Variants in MGAM2 observed in about 807,000 individuals in gnomAD.
MGAM2 encodes maltase-glucoamylase 2 (putative).
A neutral mutation model predicts 96.1 loss-of-function variants in MGAM2; 98 were observed. The observed-to-expected ratio is 1.02, with a 90% CI of 0.87 to 1.21. The LOEUF (loss-of-function observed/expected upper bound fraction) is 1.21. MGAM2 is among the 50% of genes most tolerant of loss of function. The pLI, the probability that MGAM2 is intolerant of heterozygous loss-of-function variation, is 0.00. For synonymous variants in MGAM2, 749 were observed against 414.8 expected, an observed-to-expected ratio of 1.81 and a Z score of -9.79; for missense variants, 2,055 against 1,182.4, an observed-to-expected ratio of 1.74 and a Z score of -10.82.
At chr7:142,124,279 GT>G (rs919644236) in intron 3 of MGAM2, among the ~76,000 whole-genome samples, 1 of 151,348 alleles carries the variant, frequency 6.6e-6, no homozygotes, top group South Asian at 2.1e-4. Flanking sequence ...GCCCAGAAAC[GT>G]TTTTTTTCTT....
intron 45 of MGAM2, chr7:142,208,296 C>T: frequency 1.8e-6 from 1 of 565,962 alleles, no homozygotes; most frequent in Non-Finnish European, 3.4e-6. Context: ...ACAGTAGTCT[C>T]CACACTTCAG....
chr7:142,117,244 G>C (rs909777976), intron 2 of MGAM2, among the ~76,000 whole-genome samples: 1 of 152,164 alleles, frequency 6.6e-6, no homozygotes, highest in African/African-American at 2.4e-5. Context: ...CCAGATGCCT[G>C]CCCTTCAACC....
At chr7:142,140,981 A>C (rs1795207060) in intron 11 of MGAM2, 40 bp from the exon 12 acceptor site, 1 of 691,108 alleles carries the variant, frequency 1.4e-6, no homozygotes, top group African/African-American at 1.8e-5. Flanking sequence ...TAGTGCAAAA[A>C]ATTTATGAAA....
At position 142,195,279 on chromosome 7, in the gene MGAM2, C is replaced by T. The variant is rs118150417; in HGVS notation, c.4347-875C>T. On this transcript the variant is annotated intron_variant, in intron 37 of 47. Transcript: ENST00000477922. ...GAACTTCTGGCCTCAAGCAGTCCTT[C>T]TGCCTTGGCCTCCCAAGGTGCTGGG... 8.2e-3 allele frequency among the ~76,000 whole-genome samples: 1,231 copies of T among 149,236 alleles called. 82 individuals are homozygous for T. The East Asian group carries it at 0.17, about 20-fold the overall frequency.
chr7:142,172,098 T>G lies in MGAM2; in HGVS notation c.3352T>G (p.Tyr1118Asp). Residue 1118 changes from tyrosine to aspartate, a missense_variant and splice_region_variant, in exon 29 of 48, where the codon TAC becomes GAC. By Grantham distance (160) the Tyr-to-Asp change is radical. Coordinates refer to ENST00000477922, the MANE Select transcript of MGAM2 (RefSeq NM_001293626.2). The part of the protein sequence containing the change: ...GMFAHDEPPA[Y>D]KKNSYGVHPY... ...TGTTTATTACCCTCGTGACTCCCAGTACAAGAAGAATTCCTATGGTGTCCA... is the reference window on the plus strand; with the variant it reads ...TGTTTATTACCCTCGTGACTCCCAGGACAAGAAGAATTCCTATGGTGTCCA... The G allele has an allele frequency of 1.4e-6, 1 of 725,418 alleles. No individual in the cohort carries two copies. The highest frequency in any genetic ancestry group is 2.5e-6 in the Non-Finnish European group (1 of 396,696). 44.9% of individuals were successfully genotyped at this position (725,418 alleles called of 1,614,324 possible). A position where few individuals can be genotyped will look rare whatever the true frequency, so the allele number is the denominator to read the frequency against.
intron 4 of MGAM2, 54 bp downstream of exon 4, chr7:142,131,125 G>A (rs1458158396): frequency 1.9e-5 from 13 of 682,548 alleles, no homozygotes; most frequent in East Asian, 5.4e-5. Flanking sequence ...GCCCAGATAC[G>A]TTAACTGCAA....
In MGAM2 at chr7:142,175,665, T is replaced by C; in HGVS notation, c.3701T>C (p.Val1234Ala). ...TTCTTTCTGCAGGACGTCCAGCATG[T>C]AGACATCGATTACATGAACCGGAAG... ...AAQIPYDVQHVDIDYMNRKLD... is the reference protein window; with the variant it reads ...AAQIPYDVQHADIDYMNRKLD... The change falls in exon 32 of 48, where the codon GTA becomes GCA. Residue 1234 changes from valine to alanine, a missense_variant. Physicochemically the swap from Val to Ala is moderately conservative, Grantham distance 64. Transcript: ENST00000477922. 1.4e-6 allele frequency: 1 copy of C among 702,786 alleles called. No homozygotes were observed. The highest frequency in any genetic ancestry group is 2.6e-6 in the Non-Finnish European group (1 of 384,942). The allele number at this position is 702,786 out of a possible 1,614,324, so 43.5% of individuals were successfully genotyped here. A position where few individuals can be genotyped will look rare whatever the true frequency, so the allele number is the denominator to read the frequency against.
At chr7:142,212,372 A>G (rs1231342482) in intron 46 of MGAM2, among the ~76,000 whole-genome samples, 6 of 152,234 alleles carry the variant, frequency 3.9e-5, no homozygotes, top group Admixed American at 3.9e-4. Flanking sequence ...TTAAATGTAA[A>G]TGGGCTAAAT....
At chr7:142,125,326 G>T (rs574146628) in intron 3 of MGAM2, among the ~76,000 whole-genome samples, 25 of 152,270 alleles carry the variant, frequency 1.6e-4, no homozygotes, top group African/African-American at 5.5e-4. Flanking sequence ...TTTGGGGTCT[G>T]GGATATTGGT....
At chr7:142,142,990 C>T (rs1795278973) in intron 12 of MGAM2, among the ~76,000 whole-genome samples, 1 of 152,154 alleles carries the variant, frequency 6.6e-6, no homozygotes, top group Non-Finnish European at 1.5e-5. Flanking sequence ...ATGCCCATCG[C>T]CTAAAACAAA....
intron 45 of MGAM2, among the ~76,000 whole-genome samples, chr7:142,203,333 GC>G (rs1305417639): frequency 6.6e-6 from 1 of 151,948 alleles, no homozygotes; most frequent in African/African-American, 2.4e-5. Flanking sequence ...TGGGGGCTTA[GC>G]CAAAAATATT....
Position 142,156,157 on chromosome 7 carries a change from A to T in MGAM2, c.1923+1312A>T, listed in dbSNP as rs75803266. 2.3e-3 allele frequency among the ~76,000 whole-genome samples: 351 copies of T among 150,600 alleles called. 2 individuals are homozygous for T. The East Asian group carries it at 0.031, about 13-fold the overall frequency. On this transcript the variant is annotated intron_variant, in intron 17 of 47. Coordinates refer to ENST00000477922, the MANE Select transcript of MGAM2 (RefSeq NM_001293626.2). ...CAAAATTCCGTCTCAAAACAAAACA[A>T]AAAAAAAAACAAAGTACAAAGAAAC...
At chr7:142,203,143 T>C (rs116416764) in intron 45 of MGAM2, among the ~76,000 whole-genome samples, 1,565 of 152,286 alleles carry the variant, frequency 0.01, 29 homozygotes, top group African/African-American at 0.036. Flanking sequence ...TGACTTTTGC[T>C]TCTTGATTTA....
At chr7:142,160,091 C>A (rs528615366) in intron 20 of MGAM2, 43 bp from the exon 21 acceptor site, 1 of 673,536 alleles carries the variant, frequency 1.5e-6, no homozygotes, top group African/African-American at 1.8e-5. Context: ...CTAGCTGAAA[C>A]AGCTTATTAC....
chr7:142,219,124 A>G (rs1284693918), intron 47 of MGAM2, among the ~76,000 whole-genome samples: 1 of 152,234 alleles, frequency 6.6e-6, no homozygotes, highest in African/African-American at 2.4e-5. Context: ...TGAAATACCA[A>G]TAGTTACCAA....
At chr7:142,218,300 A>G (rs2129107657) in intron 46 of MGAM2, 61 bp from the exon 47 acceptor site, 2 of 502,636 alleles carry the variant, frequency 4.0e-6, no homozygotes, top group East Asian at 6.2e-5. Context: ...ATATTTTAAT[A>G]TGGACCATAG....
intron 32 of MGAM2, 59 bp from the exon 33 acceptor site, chr7:142,183,207 G>T: frequency 1.5e-6 from 1 of 665,124 alleles, no homozygotes. Flanking sequence ...AATTTTTGGA[G>T]AGAAATTTTC....
At chr7:142,122,610 T>C (rs1794611536) in intron 3 of MGAM2, among the ~76,000 whole-genome samples, 2 of 152,256 alleles carry the variant, frequency 1.3e-5, no homozygotes, top group South Asian at 4.1e-4. Context: ...TTCATATGAA[T>C]GGAATCACAT....
chr7:142,151,811 G>T (rs1343771206), intron 15 of MGAM2, among the ~76,000 whole-genome samples: 2 of 152,212 alleles, frequency 1.3e-5, no homozygotes, highest in African/African-American at 4.8e-5. Flanking sequence ...CTCTGGCCAG[G>T]CATAATGGCC....
Sources: gnomAD v4.1 joint callset for allele counts (sites outside exome capture counted in the v4.1 genomes callset) on GRCh38, gnomAD v4.1.1 for gene constraint, MANE v1.5 for transcripts, NCBI Gene and HGNC (gene_info 2026-07-23, HGNC 2026-07-21) for gene names.